The following SHANK1 variants were observed in gnomAD, a reference collection of about 807,000 sequenced individuals.
SHANK1 encodes the protein SH3 and multiple ankyrin repeat domains protein 1.
A neutral mutation model predicts 165.6 loss-of-function variants in SHANK1; 35 were observed. That is an observed-to-expected ratio of 0.21 (90% confidence interval 0.16 to 0.28). SHANK1 has a LOEUF of 0.28. SHANK1 is among the 10% of genes least tolerant of loss of function. The pLI, the probability that SHANK1 is intolerant of heterozygous loss-of-function variation, is 1.00. For synonymous variants in SHANK1, 1,428 were observed against 1,384.8 expected (o/e 1.03, Z -0.69); for missense variants, 2,681 against 3,036.4 (o/e 0.88, Z 2.75).
In SHANK1 at chr19:50,703,844, G is replaced by A; in HGVS notation, c.1223-14C>T. The A allele has an allele frequency of 2.3e-6, 3 of 1,319,018 alleles. No individual in the cohort carries two copies. The highest frequency in any genetic ancestry group is 3.0e-6 in the Non-Finnish European group (3 of 994,418). 81.7% of individuals were successfully genotyped at this position (1,319,018 alleles called of 1,614,324 possible). Reference sequence around the variant, plus strand: ...CCTGGAAGGGCACTGAGAGGGCACAGTGGCGGCGGGGGGCAGATGTTAGGG... The same window carrying A: ...CCTGGAAGGGCACTGAGAGGGCACAATGGCGGCGGGGGGCAGATGTTAGGG... On this transcript the variant is annotated splice_polypyrimidine_tract_variant and intron_variant, in intron 10 of 23. Transcript: ENST00000293441.
rs74931904 is a variant in SHANK1, at chr19:50,685,097, G to A, written c.2577+1140C>T. Reference sequence around the variant, plus strand: ...TGGATGCGGCCAGAGGATGGGGACTGGGCAGAGAAGAAGGAAGCGGGAAGG... The same window carrying A: ...TGGATGCGGCCAGAGGATGGGGACTAGGCAGAGAAGAAGGAAGCGGGAAGG... On this transcript the variant is annotated intron_variant, in intron 21 of 23. Transcript: ENST00000293441. Among the ~76,000 whole-genome samples, 448 of 152,330 alleles carry A rather than the reference G, an allele frequency of 2.9e-3. 2 individuals are homozygous for A. Among genetic ancestry groups the A allele is most frequent in the African/African-American group, 0.01 (430 of 41,578 alleles).
At chr19:50,680,518 C>T (rs1313598936) in intron 21 of SHANK1, among the ~76,000 whole-genome samples, 1 of 152,114 alleles carries the variant, frequency 6.6e-6, no homozygotes, top group Non-Finnish European at 1.5e-5. Flanking sequence ...AGGAGACAGC[C>T]CAAGAGGTGC....
rs915201939 is a variant in SHANK1, at chr19:50,718,482, C to G, written c.-44+924G>C. Among the ~76,000 whole-genome samples the G allele has an allele frequency of 6.6e-6, 1 of 151,874 alleles. No homozygotes were observed. The highest frequency in any genetic ancestry group is 1.5e-5 in the Non-Finnish European group (1 of 67,906). On this transcript the variant is annotated intron_variant, in intron 1 of 23. Coordinates refer to ENST00000293441, the MANE Select transcript of SHANK1 (RefSeq NM_016148.5). The surrounding 1 kb of genome is among the most constrained non-coding windows in gnomAD (Gnocchi z 5.1). ...CCCCGCGCGTACGGCTGCCCCAGCC[C>G]CCCCGGGCCGGCTCCGGCCCCTCCC...
At chr19:50,683,692 C>A (rs541480068) in intron 21 of SHANK1, among the ~76,000 whole-genome samples, 6 of 152,074 alleles carry the variant, frequency 3.9e-5, no homozygotes, top group Non-Finnish European at 7.4e-5. Context: ...GTATAAGAGC[C>A]GAAATGAGAA....
At chr19:50,664,978 C>T (rs377262209) in intron 23 of SHANK1, among the ~76,000 whole-genome samples, 4 of 152,124 alleles carry the variant, frequency 2.6e-5, no homozygotes, top group Non-Finnish European at 4.4e-5. Flanking sequence ...AGGATGGTCT[C>T]GATCTTCTGA....
intron 23 of SHANK1, among the ~76,000 whole-genome samples, chr19:50,665,925 C>G (rs10425017): frequency 1.4e-5 from 2 of 144,184 alleles, no homozygotes; most frequent in Non-Finnish European, 3.0e-5. Flanking sequence ...GCAGGAGAAT[C>G]GCTTGAACCC....
chr19:50,698,184 T>A (rs1986801107), intron 12 of SHANK1, among the ~76,000 whole-genome samples: 2 of 127,404 alleles, frequency 1.6e-5, no homozygotes, highest in African/African-American at 8.9e-5. Flanking sequence ...GGAAGACGAC[T>A]GTTCCATAAC....
Position 50,660,733 on chromosome 19 carries a change from G to GGGGC in SHANK1, c.*1231_*1232insGCCC. Reference sequence around the variant, plus strand: ...AGCACTGAAAATGCTGGGGGGGGGGGCGCGTGTGCAAAAGCAAGTGTGCAA... The same window carrying GGGGC: ...AGCACTGAAAATGCTGGGGGGGGGGGGGGCCGCGTGTGCAAAAGCAAGTGTGCAA... On this transcript the variant is annotated 3_prime_UTR_variant, in exon 24 of 24. Transcript: ENST00000293441. Among the ~76,000 whole-genome samples, 1 of 131,720 alleles carries GGGGC rather than the reference G, an allele frequency of 7.6e-6. No homozygotes were observed. The highest frequency in any genetic ancestry group is 7.3e-5 in the Admixed American group (1 of 13,656). The allele number at this position is 131,720 out of a possible 152,430, so 86.4% of individuals were successfully genotyped here. A position where few individuals can be genotyped will look rare whatever the true frequency, so the allele number is the denominator to read the frequency against.
In SHANK1 at chr19:50,716,999, C is replaced by T. The variant is rs757455991; in HGVS notation, c.-43-37G>A. 9.6e-5 allele frequency: 131 copies of T among 1,368,170 alleles called. No individual in the cohort carries two copies. Among genetic ancestry groups the T allele is most frequent in the African/African-American group, 1.6e-4 (11 of 67,666 alleles). The allele number at this position is 1,368,170 out of a possible 1,614,324, so 84.8% of individuals were successfully genotyped here. A position where few individuals can be genotyped will look rare whatever the true frequency, so the allele number is the denominator to read the frequency against. On this transcript the variant is annotated intron_variant, in intron 1 of 23. Transcript: ENST00000293441. The surrounding 1 kb of genome is among the most constrained non-coding windows in gnomAD (Gnocchi z 8.4). ...AAGGGCGGCCATCAGACTAGGAGCC[C>T]GGGACCCCTCAGAGGCCGCAGGCGC...
rs1985103621 is a variant in SHANK1 at position 50,659,562 on chromosome 19, T to TCC, written c.*2401_*2402dup. On this transcript the variant is annotated 3_prime_UTR_variant, in exon 24 of 24. Coordinates refer to ENST00000293441, the MANE Select transcript of SHANK1 (RefSeq NM_016148.5). ...CTCATCCGCCCCCCTCCTCTTCCCC[T>TCC]CCCACCCCCCCTTGGAAGACAATTC... is the stretch of plus-strand genomic sequence containing the variant. Among the ~76,000 whole-genome samples the TCC allele has an allele frequency of 3.4e-5, 1 of 29,692 alleles. No individual in the cohort carries two copies. The highest frequency in any genetic ancestry group is 7.1e-5 in the Non-Finnish European group (1 of 14,082). The allele number at this position is 29,692 out of a possible 152,430, so 19.5% of individuals were successfully genotyped here. A position where few individuals can be genotyped will look rare whatever the true frequency, so the allele number is the denominator to read the frequency against.
chr19:50,706,280 C>G (rs1025090905), intron 8 of SHANK1, among the ~76,000 whole-genome samples: 9 of 152,110 alleles, frequency 5.9e-5, no homozygotes, highest in African/African-American at 2.2e-4. Flanking sequence ...CTGCCAGGCC[C>G]AGAAGGAAGG....
chr19:50,689,051 G>A (rs533818642), intron 16 of SHANK1, 83 bp from the exon 17 acceptor site: 34 of 1,169,050 alleles, frequency 2.9e-5, no homozygotes, highest in Non-Finnish European at 4.0e-5. Flanking sequence ...CCCAAGTCAC[G>A]GAGGCCTCAC....
rs1410639638 is a variant in SHANK1 at position 50,696,703 on chromosome 19, T to C, written c.1964+393A>G. The stretch of plus-strand genomic sequence containing the variant: ...ACGCACATGCATGCACACACGTTAA[T>C]GTGCGAGTACACACGCACAGTGACA... On this transcript the variant is annotated intron_variant, in intron 15 of 23. Transcript: ENST00000293441. 5.9e-5 allele frequency among the ~76,000 whole-genome samples: 9 copies of C among 152,102 alleles called. No homozygotes were observed. The South Asian group carries it at 1.7e-3, about 28-fold the overall frequency.
intron 8 of SHANK1, among the ~76,000 whole-genome samples, chr19:50,705,335 C>CT (rs140721602): frequency 0.021 from 3,266 of 152,012 alleles, 121 homozygotes; most frequent in African/African-American, 0.073. Flanking sequence ...GAGTGAGACT[C>CT]TGTCTCAAAA....
intron 23 of SHANK1, among the ~76,000 whole-genome samples, chr19:50,664,409 A>G (rs1001442462): frequency 2.6e-5 from 4 of 151,998 alleles, no homozygotes; most frequent in Admixed American, 2.0e-4. Flanking sequence ...ATCATCCCGT[A>G]TTTCCCCACG....
At chr19:50,707,913 T>C (rs1159354684) in intron 8 of SHANK1, among the ~76,000 whole-genome samples, 1 of 62,934 alleles carries the variant, frequency 1.6e-5, no homozygotes, top group African/African-American at 6.0e-5. Flanking sequence ...TTTCTTTTCT[T>C]TTCTTTTCTT....
Position 50,718,909 on chromosome 19 carries a change from CT to C in SHANK1, c.-44+496del. Reference sequence around the variant, plus strand: ...GGAGACCTGGTGGGGACGCAGGGAGCTTGGACAGGGGTGGAAAGGGACTGGA... The same window carrying C: ...GGAGACCTGGTGGGGACGCAGGGAGCTGGACAGGGGTGGAAAGGGACTGGA... On this transcript the variant is annotated intron_variant, in intron 1 of 23. Transcript: ENST00000293441. The surrounding 1 kb of genome is among the most constrained non-coding windows in gnomAD (Gnocchi z 5.1). Among the ~76,000 whole-genome samples the C allele has an allele frequency of 6.6e-6, 1 of 150,780 alleles. No individual in the cohort carries two copies. Among genetic ancestry groups the C allele is most frequent in the South Asian group, 2.1e-4 (1 of 4,738 alleles).
intron 21 of SHANK1, among the ~76,000 whole-genome samples, chr19:50,679,316 C>T (rs192237516): frequency 6.6e-6 from 1 of 151,608 alleles, no homozygotes; most frequent in Non-Finnish European, 1.5e-5. Flanking sequence ...GAGTGACAGA[C>T]GCCTCGTCAG....
intron 15 of SHANK1, among the ~76,000 whole-genome samples, chr19:50,694,888 G>A (rs1986680441): frequency 1.3e-5 from 2 of 150,560 alleles, no homozygotes; most frequent in South Asian, 2.1e-4. Flanking sequence ...AGCAGGAGGC[G>A]GCGCGCTCCG....
Sources: allele counts gnomAD v4.1 joint callset (sites outside exome capture counted in the v4.1 genomes callset), GRCh38; gene constraint gnomAD v4.1.1; non-coding constraint Gnocchi (gnomAD v3.1); transcripts MANE v1.5; gene names NCBI Gene and HGNC (gene_info 2026-07-23, HGNC 2026-07-21).